PIWIL2: variants seen among roughly 807,000 people sequenced by gnomAD.
PIWIL2 encodes piwi like RNA-mediated gene silencing 2.
In PIWIL2, 81 loss-of-function variants were observed where a neutral mutation model predicts 116.5. That is an observed-to-expected ratio of 0.70 (90% CI 0.58 to 0.84). PIWIL2 has a LOEUF of 0.84. Among genes scored for constraint, PIWIL2 ranks in the 40% least tolerant of loss-of-function variants. PIWIL2 has a pLI of 0.00. For synonymous variants in PIWIL2, 489 were observed against 429.5 expected, an observed-to-expected ratio of 1.14 and a Z score of -1.71; for missense variants, 1,272 against 1,212.3, an observed-to-expected ratio of 1.05 and a Z score of -0.73.
At chr8:22,349,444 T>TAA (rs1554506740) in intron 20 of PIWIL2, among the ~76,000 whole-genome samples, 13 of 147,236 alleles carry the variant, frequency 8.8e-5, no homozygotes, top group African/African-American at 3.2e-4. Flanking sequence ...TATATATATA[T>TAA]AAATTTTACT....
intron 10 of PIWIL2, among the ~76,000 whole-genome samples, chr8:22,291,056 C>A (rs944818530): frequency 6.6e-6 from 1 of 151,678 alleles, no homozygotes; most frequent in African/African-American, 2.4e-5. Context: ...GCACCCTCTA[C>A]CTCTTGGGTT....
intron 12 of PIWIL2, among the ~76,000 whole-genome samples, chr8:22,305,354 G>A (rs1586560180): frequency 2.0e-5 from 3 of 151,948 alleles, no homozygotes; most frequent in Middle Eastern, 3.4e-3. Context: ...CACCACCCCC[G>A]GCTAATTTTT....
In PIWIL2 at chr8:22,287,510, C is replaced by T. The variant is rs371831154; in HGVS notation, c.744-18C>T. The T allele has an allele frequency of 3.8e-5, 58 of 1,519,176 alleles. No individual in the cohort carries two copies. Among genetic ancestry groups the T allele is most frequent in the Non-Finnish European group, 4.9e-5 (54 of 1,093,486 alleles). 94.1% of individuals were successfully genotyped at this position (1,519,176 alleles called of 1,614,324 possible). On this transcript the variant is annotated intron_variant, in intron 6 of 22. Transcript: ENST00000356766. ...GTTTGAGTCAAGTTAAAGGAAAATC[C>T]TCTTCATTATTTTCCAGCCCCAATG...
chr8:22,326,291 C>T (rs1201367357), intron 20 of PIWIL2, among the ~76,000 whole-genome samples: 1 of 151,830 alleles, frequency 6.6e-6, no homozygotes, highest in East Asian at 1.9e-4. Context: ...GAGGCCAAGG[C>T]AGGTGGATTG....
At chr8:22,293,517 G>C (rs1212997477) in intron 10 of PIWIL2, among the ~76,000 whole-genome samples, 1 of 152,046 alleles carries the variant, frequency 6.6e-6, no homozygotes, top group East Asian at 1.9e-4. Flanking sequence ...TAGAGACAGG[G>C]TTTCGCCATG....
intron 4 of PIWIL2, among the ~76,000 whole-genome samples, chr8:22,282,064 T>A (rs1830517825): frequency 6.9e-6 from 1 of 144,668 alleles, no homozygotes; most frequent in Non-Finnish European, 1.5e-5. Flanking sequence ...TGAGCCCCAC[T>A]GTGCGTGGAC....
At chr8:22,325,552 C>A (rs1184529683) in intron 20 of PIWIL2, among the ~76,000 whole-genome samples, 1 of 140,342 alleles carries the variant, frequency 7.1e-6, no homozygotes, top group African/African-American at 2.7e-5. Context: ...GACGTGATCT[C>A]CATTCACTGC....
chr8:22,351,636 C>T (rs1348452332), intron 20 of PIWIL2, among the ~76,000 whole-genome samples: 8 of 150,294 alleles, frequency 5.3e-5, no homozygotes, highest in African/African-American at 2.0e-4. Flanking sequence ...CTCCCAGGTT[C>T]AAGCAATTCT....
chr8:22,284,233 G>T lies in PIWIL2; in HGVS notation c.704G>T (p.Cys235Phe). Residue 235 changes from cysteine (C) to phenylalanine (F), a missense_variant, in exon 6 of 23, where the codon TGT becomes TTT. By Grantham distance (205) the Cys-to-Phe change is radical. Coordinates refer to ENST00000356766, the MANE Select transcript of PIWIL2 (RefSeq NM_018068.5). ...GGACTGAACCTCGTCAAAATACAGT[G>T]TCATAATGAAGCAGTTTATCAATAT... ...SLGLNLVKIQ[C>F]HNEAVYQYHV... 1 of 1,603,834 alleles carries T rather than the reference G, an allele frequency of 6.2e-7. No individual in the cohort carries two copies. Among genetic ancestry groups the T allele is most frequent in the Non-Finnish European group, 8.5e-7 (1 of 1,173,980 alleles).
chr8:22,346,435 A>T (rs755187429), intron 20 of PIWIL2, among the ~76,000 whole-genome samples: 2 of 152,150 alleles, frequency 1.3e-5, no homozygotes, highest in African/African-American at 4.8e-5. Flanking sequence ...GCTGGGATGC[A>T]TCTAAGGCCT....
In PIWIL2 at chr8:22,320,987, G is replaced by A. The variant is rs536875170; in HGVS notation, c.2403+2712G>A. On this transcript the variant is annotated intron_variant, in intron 20 of 22. Transcript: ENST00000356766. The stretch of plus-strand genomic sequence containing the variant: ...TTACACTACTAAGCTGACACTCCTG[G>A]TGATTTACGTTGAATTTCTAGTATC... Among the ~76,000 whole-genome samples the A allele has an allele frequency of 6.6e-5, 10 of 152,250 alleles. No homozygotes were observed. In the East Asian group the frequency reaches 1.2e-3, roughly 18 times the overall value.
rs373174927 is a variant in PIWIL2 at position 22,299,942 on chromosome 8, T to A, written c.1182-4079T>A. On this transcript the variant is annotated intron_variant, in intron 10 of 22. Coordinates refer to ENST00000356766, the MANE Select transcript of PIWIL2 (RefSeq NM_018068.5). ...TTTTTATTGTATTTATTTTATTATT[T>A]TTTTTTTGGGTGGGGGGAACAGAAT... Among the ~76,000 whole-genome samples, 40 of 152,166 alleles carry A rather than the reference T, an allele frequency of 2.6e-4. No homozygotes were observed. In the South Asian group the frequency reaches 3.1e-3, roughly 12 times the overall value.
chr8:22,308,008 A>G lies in PIWIL2; in HGVS notation c.1621A>G (p.Lys541Glu), dbSNP rs1472186711. The change falls in exon 14 of 23, where the codon AAG becomes GAG. Residue 541 changes from lysine (K) to glutamate (E), a missense_variant. Coordinates refer to ENST00000356766, the MANE Select transcript of PIWIL2 (RefSeq NM_018068.5). ...GGAATGCTTGCTGCAAAGAATTGCA[A>G]AGAACGAGGCAGCCACCAATGAACT... ...ALECLLQRIA[K>E]NEAATNELMR... is the part of the protein sequence containing the mutation. The G allele has an allele frequency of 2.5e-6, 4 of 1,613,868 alleles. No individual in the cohort carries two copies. Among genetic ancestry groups the G allele is most frequent in the African/African-American group, 1.3e-5 (1 of 74,918 alleles).
At chr8:22,345,654 ACT>A (rs1832210012) in intron 20 of PIWIL2, among the ~76,000 whole-genome samples, 2 of 152,088 alleles carry the variant, frequency 1.3e-5, no homozygotes, top group Non-Finnish European at 1.5e-5. Context: ...ACAGAGCAAG[ACT>A]CTGTCTCAAA....
chr8:22,289,419 G>A (rs996253545), intron 8 of PIWIL2, among the ~76,000 whole-genome samples: 2 of 152,092 alleles, frequency 1.3e-5, no homozygotes, highest in African/African-American at 4.8e-5. Flanking sequence ...CCAAAGTGCT[G>A]GGATTAGAGG....
At chr8:22,298,610 G>A (rs1269183785) in intron 10 of PIWIL2, among the ~76,000 whole-genome samples, 2 of 152,206 alleles carry the variant, frequency 1.3e-5, no homozygotes. Flanking sequence ...GAGAATCTGT[G>A]GAATGTTGCC....
intron 19 of PIWIL2, among the ~76,000 whole-genome samples, chr8:22,317,369 T>A (rs78932416): frequency 1.3e-5 from 2 of 152,070 alleles, no homozygotes; most frequent in African/African-American, 2.4e-5. Flanking sequence ...TATTAACACA[T>A]ACATGTGATA....
At chr8:22,333,132 T>C (rs1831899805) in intron 20 of PIWIL2, among the ~76,000 whole-genome samples, 1 of 152,158 alleles carries the variant, frequency 6.6e-6, no homozygotes, top group African/African-American at 2.4e-5. Context: ...ATAGATGTTG[T>C]ACTCTCTAGG....
In PIWIL2 at chr8:22,318,200, G is replaced by C; in HGVS notation, c.2328G>C (p.Val776=). 2.5e-6 allele frequency: 4 copies of C among 1,613,400 alleles called. No individual in the cohort carries two copies. The highest frequency in any genetic ancestry group is 3.4e-6 in the Non-Finnish European group (4 of 1,179,372). Residue 776 remains valine (V), a synonymous_variant, in exon 20 of 23, where the codon GTG becomes GTC. Transcript: ENST00000356766. ...TCACAAAATGGTATTCCCGGGTGGT[G>C]TTCCAGATGCCGCATCAGGAGATTG... ...LTLTKWYSRV[V]FQMPHQEIVD... is the part of the protein sequence containing the mutation.
Sources: allele counts gnomAD v4.1 joint callset (sites outside exome capture counted in the v4.1 genomes callset), GRCh38; gene constraint gnomAD v4.1.1; transcripts MANE v1.5; gene names NCBI Gene and HGNC (gene_info 2026-07-23, HGNC 2026-07-21).